Variants in FNTA observed in about 807,000 individuals in gnomAD.
FNTA encodes the protein protein farnesyltransferase/geranylgeranyltransferase type-1 subunit alpha.
A neutral mutation model predicts 55.2 loss-of-function variants in FNTA; 27 were observed. That is an observed-to-expected ratio of 0.49 (90% CI 0.36 to 0.67). FNTA has a LOEUF of 0.67. FNTA is among the 30% of genes least tolerant of loss of function. The probability of loss-of-function intolerance (pLI) is 0.00; values close to 1 mark genes in which losing one functional copy is unlikely to be tolerated. For synonymous variants in FNTA, 176 were observed against 170.7 expected (o/e 1.03, Z -0.24); for missense variants, 422 against 464.7 (o/e 0.91, Z 0.85).
chr8:43,065,638 T>C (rs970408139), intron 3 of FNTA, among the ~76,000 whole-genome samples: 8 of 151,420 alleles, frequency 5.3e-5, no homozygotes, highest in Admixed American at 5.2e-4. Context: ...GTCCAGATGC[T>C]CTGCTATATG....
intron 6 of FNTA, chr8:43,080,490 A>G (rs1811000322): frequency 6.6e-6 from 1 of 152,228 alleles, no homozygotes; most frequent in Admixed American, 6.5e-5. Context: ...ACTAGACTAC[A>G]ATATAGTGTA....
At chr8:43,080,523 AAAAAG>A (rs1321977068) in intron 6 of FNTA, 2 of 152,204 alleles carry the variant, frequency 1.3e-5, no homozygotes, top group Non-Finnish European at 2.9e-5. Context: ...ATGTGCTGGG[AAAAAG>A]AAAAGTCGTG....
chr8:43,064,201 C>T lies in FNTA; in HGVS notation c.387C>T (p.Ala129=), dbSNP rs899708966. 6.2e-7 allele frequency: 1 copy of T among 1,604,446 alleles called. No individual in the cohort carries two copies. Among genetic ancestry groups the T allele is most frequent in the East Asian group, 2.2e-5 (1 of 44,844 alleles). The change falls in exon 3 of 9, where the codon GCC becomes GCT. Residue 129 remains alanine (A), a synonymous_variant. Coordinates refer to ENST00000302279, the MANE Select transcript of FNTA (RefSeq NM_002027.3). ...LTRDAIELNA[A]NYTVWHFRRV... is the part of the protein sequence containing the mutation. ...GGGATGCTATTGAGTTAAATGCAGC[C>T]AATTATACAGTGTGGTAAGTAATAC... is the stretch of plus-strand genomic sequence containing the variant.
At chr8:43,071,719 A>C (rs906294221) in intron 4 of FNTA, among the ~76,000 whole-genome samples, 3 of 151,272 alleles carry the variant, frequency 2.0e-5, no homozygotes, top group Admixed American at 2.0e-4. Flanking sequence ...AAACAAAAAA[A>C]CTCCTCTGTT....
At chr8:43,082,895 A>G in intron 6 of FNTA, 1 of 294,108 alleles carries the variant, frequency 3.4e-6, no homozygotes, top group Non-Finnish European at 6.3e-6. Context: ...AAAATACAAA[A>G]ATTAGCTGGG....
At chr8:43,069,457 T>G in intron 3 of FNTA, 98 bp from the exon 4 acceptor site, 1 of 747,916 alleles carries the variant, frequency 1.3e-6, no homozygotes, top group South Asian at 1.6e-5. Flanking sequence ...TGCCAAAAAT[T>G]TGTCTAACTG....
chr8:43,059,303 G>T, intron 2 of FNTA, 126 bp downstream of exon 2: 1 of 630,282 alleles, frequency 1.6e-6, no homozygotes, highest in Non-Finnish European at 2.7e-6. Context: ...CTTAAGATGA[G>T]TTAATTTTGT....
In FNTA at chr8:43,069,714, G is replaced by A. The variant is rs561826929; in HGVS notation, c.506+55G>A. 6.8e-5 allele frequency: 71 copies of A among 1,048,834 alleles called. No individual in the cohort carries two copies. In the African/African-American group the frequency reaches 8.6e-4, roughly 13 times the overall value. The allele number at this position is 1,048,834 out of a possible 1,614,324, so 65.0% of individuals were successfully genotyped here. On this transcript the variant is annotated intron_variant, in intron 4 of 8. Coordinates refer to ENST00000302279, the MANE Select transcript of FNTA (RefSeq NM_002027.3). ...GGCTGGAGTGCAGTGGCATGACCTC[G>A]GCTCACTGCAGCCTCTGCCTCCTGG...
At chr8:43,061,031 G>A (rs1349080325) in intron 2 of FNTA, among the ~76,000 whole-genome samples, 3 of 152,202 alleles carry the variant, frequency 2.0e-5, no homozygotes, top group Non-Finnish European at 4.4e-5. Flanking sequence ...AGGTTAAAAT[G>A]AGAATTCCAT....
intron 5 of FNTA, among the ~76,000 whole-genome samples, chr8:43,074,679 T>C (rs141697233): frequency 1.3e-5 from 2 of 152,292 alleles, no homozygotes; most frequent in African/African-American, 4.8e-5. Context: ...TCATACTGTA[T>C]GGCTCCATTG....
chr8:43,060,276 A>G lies in FNTA; in HGVS notation c.286+1099A>G, dbSNP rs192845193. 9.8e-5 allele frequency among the ~76,000 whole-genome samples: 15 copies of G among 152,364 alleles called. No individual in the cohort carries two copies. In the East Asian group the frequency reaches 2.7e-3, roughly 27 times the overall value. On this transcript the variant is annotated intron_variant, in intron 2 of 8. Coordinates refer to ENST00000302279, the MANE Select transcript of FNTA (RefSeq NM_002027.3). The stretch of plus-strand genomic sequence containing the variant: ...ACTAGTGATCAGAGAAATATAAACC[A>G]TAACTTATTCAGATTCATAAGTACT...
chr8:43,069,962 C>G (rs1810749706), intron 4 of FNTA: 1 of 208,788 alleles, frequency 4.8e-6, no homozygotes, highest in Non-Finnish European at 9.7e-6. Flanking sequence ...TATTTAAAAA[C>G]TACCACTGTA....
rs996608873 is a variant in FNTA at position 43,060,509 on chromosome 8, T to A, written c.286+1332T>A. ...GGCCAACGTGGCGAAACCCTGTCTCTACTAAAAATACAAAAATTAGCTGGG... is the reference window on the plus strand; with the variant it reads ...GGCCAACGTGGCGAAACCCTGTCTCAACTAAAAATACAAAAATTAGCTGGG... On this transcript the variant is annotated intron_variant, in intron 2 of 8. Coordinates refer to ENST00000302279, the MANE Select transcript of FNTA (RefSeq NM_002027.3). Among the ~76,000 whole-genome samples the A allele has an allele frequency of 2.1e-4, 32 of 152,094 alleles. 1 individual carries two copies. Among genetic ancestry groups the A allele is most frequent in the African/African-American group, 7.7e-4 (32 of 41,414 alleles).
chr8:43,080,426 G>A (rs1363033680), intron 6 of FNTA: 1 of 152,152 alleles, frequency 6.6e-6, no homozygotes, highest in Non-Finnish European at 1.5e-5. Context: ...TAGCAATAAA[G>A]TATTTTTTAA....
In FNTA at chr8:43,066,324, T is replaced by C. The variant is rs1022055277; in HGVS notation, c.401+2109T>C. Among the ~76,000 whole-genome samples the C allele has an allele frequency of 3.6e-4, 55 of 150,704 alleles. 4 individuals are homozygous for C. The highest frequency in any genetic ancestry group is 1.3e-3 in the African/African-American group (52 of 40,284). On this transcript the variant is annotated intron_variant, in intron 3 of 8. Coordinates refer to ENST00000302279, the MANE Select transcript of FNTA (RefSeq NM_002027.3). ...CAGGCTGGAGTGCAGTGGCTCGATC[T>C]CTGCTCACTGCAAGCTCTGCCTCCT...
At chr8:43,070,622 C>T (rs1413713677) in intron 4 of FNTA, among the ~76,000 whole-genome samples, 1 of 152,204 alleles carries the variant, frequency 6.6e-6, no homozygotes, top group Non-Finnish European at 1.5e-5. Flanking sequence ...CACTTCATCA[C>T]CCACTGTTAT....
chr8:43,081,996 C>T (rs929451637), intron 6 of FNTA: 4 of 151,876 alleles, frequency 2.6e-5, no homozygotes, highest in Non-Finnish European at 5.9e-5. Flanking sequence ...GACATGGTTT[C>T]GCAAATAATT....
chr8:43,060,850 A>T (rs965784519), intron 2 of FNTA, among the ~76,000 whole-genome samples: 8 of 152,168 alleles, frequency 5.3e-5, no homozygotes, highest in African/African-American at 1.4e-4. Flanking sequence ...GTGTGGAAGA[A>T]GGTATGTCAT....
intron 5 of FNTA, among the ~76,000 whole-genome samples, chr8:43,073,070 G>C (rs929574113): frequency 2.0e-5 from 3 of 152,038 alleles, no homozygotes; most frequent in African/African-American, 7.2e-5. Flanking sequence ...ATTTTAAACA[G>C]TTCTAGTATT....
Sources: gnomAD v4.1 joint callset for allele counts (sites outside exome capture counted in the v4.1 genomes callset) on GRCh38, gnomAD v4.1.1 for gene constraint, MANE v1.5 for transcripts, NCBI Gene and HGNC (gene_info 2026-07-23, HGNC 2026-07-21) for gene names.